Variants in IGF2BP2 observed in about 807,000 individuals in gnomAD.
The protein encoded by IGF2BP2 is insulin-like growth factor 2 mRNA-binding protein 2.
IGF2BP2 carries 17 observed loss-of-function variants against 75.8 expected under a neutral mutation model. That is an observed-to-expected ratio of 0.22 (90% CI 0.15 to 0.34). The LOEUF (loss-of-function observed/expected upper bound fraction) is 0.34, where lower values mean the gene tolerates loss of function less well. IGF2BP2 is among the 10% of genes least tolerant of loss of function. IGF2BP2 has a pLI of 1.00. For synonymous variants in IGF2BP2, 288 were observed against 295.6 expected, an observed-to-expected ratio of 0.97 and a Z score of 0.26; for missense variants, 516 against 772.4, an observed-to-expected ratio of 0.67 and a Z score of 3.93.
intron 2 of IGF2BP2, among the ~76,000 whole-genome samples, chr3:185,763,233 C>T (rs1160365845): frequency 1.3e-5 from 2 of 152,074 alleles, no homozygotes; most frequent in African/African-American, 4.8e-5. Flanking sequence ...CTTTCTACAC[C>T]AAGTCCTATC....
chr3:185,720,325 T>C (rs1306831400), intron 2 of IGF2BP2, among the ~76,000 whole-genome samples: 3 of 152,192 alleles, frequency 2.0e-5, no homozygotes, highest in African/African-American at 7.2e-5. Flanking sequence ...CACCAAAGCC[T>C]ATTTATTTTA....
At chr3:185,690,861 C>T (rs533969591) in intron 5 of IGF2BP2, among the ~76,000 whole-genome samples, 2 of 152,268 alleles carry the variant, frequency 1.3e-5, no homozygotes, top group East Asian at 3.9e-4. Context: ...AATACACTAT[C>T]CTTTTCACAT....
chr3:185,813,745 C>A (rs1020191768), intron 2 of IGF2BP2, among the ~76,000 whole-genome samples: 1 of 152,204 alleles, frequency 6.6e-6, no homozygotes, highest in Non-Finnish European at 1.5e-5. Context: ...AGAACCCATA[C>A]ATTCCAACAC....
intron 2 of IGF2BP2, among the ~76,000 whole-genome samples, chr3:185,812,478 T>A (rs1410759829): frequency 6.6e-6 from 1 of 152,178 alleles, no homozygotes; most frequent in Non-Finnish European, 1.5e-5. Context: ...GTTACCAAAA[T>A]GAAAGTGACA....
At chr3:185,821,214 A>G in intron 2 of IGF2BP2, 1 of 1,219,122 alleles carries the variant, frequency 8.2e-7, no homozygotes, top group Non-Finnish European at 1.1e-6. Flanking sequence ...GAAATGATGT[A>G]ACTCCTCTAG....
chr3:185,742,661 A>G (rs1335724925), intron 2 of IGF2BP2, among the ~76,000 whole-genome samples: 2 of 152,068 alleles, frequency 1.3e-5, no homozygotes, highest in African/African-American at 4.8e-5. Context: ...CATCTCAAAA[A>G]AAATAAAAAT....
intron 1 of IGF2BP2, among the ~76,000 whole-genome samples, chr3:185,823,658 C>T (rs905231150): frequency 2.6e-5 from 4 of 151,978 alleles, no homozygotes; most frequent in Non-Finnish European, 5.9e-5. Context: ...GAGCCGAAGC[C>T]CCCCGGAGTC....
At chr3:185,729,255 A>G (rs750924641) in intron 2 of IGF2BP2, among the ~76,000 whole-genome samples, 3 of 152,146 alleles carry the variant, frequency 2.0e-5, no homozygotes, top group Non-Finnish European at 2.9e-5. Context: ...TTGAATTGGG[A>G]GCTGAAATGG....
rs1280743933 is a variant in IGF2BP2, at chr3:185,820,229, T to TAC, written c.239+2922_239+2923dup. Reference sequence around the variant, plus strand: ...ATGTGTGTGTGTGTATGTGTATATATACACATACACACACACACACACACA... The same window carrying TAC: ...ATGTGTGTGTGTGTATGTGTATATATACACACATACACACACACACACACACA... On this transcript the variant is annotated intron_variant, in intron 2 of 15. Transcript: ENST00000382199. 1.6e-4 allele frequency among the ~76,000 whole-genome samples: 21 copies of TAC among 133,916 alleles called. No individual in the cohort carries two copies. The South Asian group carries it at 2.2e-3, about 14-fold the overall frequency. 87.9% of individuals were successfully genotyped at this position (133,916 alleles called of 152,430 possible). A position where few individuals can be genotyped will look rare whatever the true frequency, so the allele number is the denominator to read the frequency against.
At chr3:185,688,073 C>A (rs985596618) in intron 6 of IGF2BP2, among the ~76,000 whole-genome samples, 1 of 152,256 alleles carries the variant, frequency 6.6e-6, no homozygotes, top group African/African-American at 2.4e-5. Context: ...TATTTCCTCA[C>A]TTCTAAGATG....
intron 7 of IGF2BP2, among the ~76,000 whole-genome samples, chr3:185,677,044 G>GATATATATATATATATATATAT (rs1164588813): frequency 4.6e-4 from 11 of 23,866 alleles, no homozygotes; most frequent in East Asian, 2.4e-3. Context: ...TATATATGGA[G>GATATATATATATATATATATAT]ATATATATAT....
chr3:185,764,943 C>G (rs1016790441), intron 2 of IGF2BP2, among the ~76,000 whole-genome samples: 1 of 152,162 alleles, frequency 6.6e-6, no homozygotes, highest in African/African-American at 2.4e-5. Flanking sequence ...CTTCTACCCC[C>G]ACGAGGTGTT....
chr3:185,657,122 G>T (rs1364186054), intron 12 of IGF2BP2, among the ~76,000 whole-genome samples, 164 bp downstream of exon 12: 1 of 152,174 alleles, frequency 6.6e-6, no homozygotes, highest in East Asian at 1.9e-4. Context: ...AATAAGAAAA[G>T]GAAAGATGAG....
At chr3:185,760,710 C>G (rs1005519067) in intron 2 of IGF2BP2, among the ~76,000 whole-genome samples, 1 of 152,130 alleles carries the variant, frequency 6.6e-6, no homozygotes, top group African/African-American at 2.4e-5. Flanking sequence ...CTGGGAGATA[C>G]GAGGAATATC....
At chr3:185,660,270 C>T (rs554934514) in intron 10 of IGF2BP2, among the ~76,000 whole-genome samples, 40 of 152,322 alleles carry the variant, frequency 2.6e-4, no homozygotes, top group African/African-American at 9.1e-4. Context: ...TCCAGGAAGA[C>T]GATTCCAACA....
chr3:185,786,788 A>G (rs1434609539), intron 2 of IGF2BP2, among the ~76,000 whole-genome samples: 3 of 152,140 alleles, frequency 2.0e-5, no homozygotes, highest in Non-Finnish European at 4.4e-5. Flanking sequence ...TTTTCATCAA[A>G]ATCTGAAAGG....
chr3:185,758,064 T>C (rs967986840), intron 2 of IGF2BP2, among the ~76,000 whole-genome samples: 3 of 152,230 alleles, frequency 2.0e-5, no homozygotes, highest in African/African-American at 7.2e-5. Flanking sequence ...CAGTTTGCCT[T>C]AGGCACTGAG....
At chr3:185,659,619 A>G (rs554033115) in intron 10 of IGF2BP2, among the ~76,000 whole-genome samples, 6 of 151,772 alleles carry the variant, frequency 4.0e-5, no homozygotes, top group African/African-American at 1.2e-4. Flanking sequence ...CAGGTGATCT[A>G]CCCGCCTTAG....
intron 2 of IGF2BP2, among the ~76,000 whole-genome samples, chr3:185,748,868 T>C (rs1275784249): frequency 6.6e-6 from 1 of 152,222 alleles, no homozygotes; most frequent in Non-Finnish European, 1.5e-5. Flanking sequence ...AATTTAGTAA[T>C]CTAAGAACTT....
Sources: gnomAD v4.1 joint callset for allele counts (sites outside exome capture counted in the v4.1 genomes callset) on GRCh38, gnomAD v4.1.1 for gene constraint, MANE v1.5 for transcripts, NCBI Gene and HGNC (gene_info 2026-07-23, HGNC 2026-07-21) for gene names.